The following CSMD1 variants were observed in gnomAD, a reference collection of about 807,000 sequenced individuals.
CSMD1 encodes CUB and Sushi multiple domains 1, also known as CUB and sushi domain-containing protein 1.
Under a neutral mutation model 417.5 loss-of-function variants are expected in CSMD1, and 213 were observed. The observed-to-expected ratio is 0.51, with a 90% CI of 0.46 to 0.57. CSMD1 has a LOEUF of 0.57. Ranked by LOEUF, CSMD1 falls within the 20% of genes least tolerant of loss-of-function variation. The probability of loss-of-function intolerance (pLI) is 0.00; values close to 1 mark genes in which losing one functional copy is unlikely to be tolerated. For missense variants in CSMD1, 6,923 were observed against 4,529.7 expected (o/e 1.53, Z -15.17); for synonymous variants, 2,862 against 1,736.8 (o/e 1.65, Z -16.11).
chr8:3,684,845 T>C (rs898581188), intron 7 of CSMD1, among the ~76,000 whole-genome samples: 5 of 152,154 alleles, frequency 3.3e-5, no homozygotes, highest in African/African-American at 1.2e-4. Context: ...CCATCACGAC[T>C]CTTATTACAT....
intron 52 of CSMD1, among the ~76,000 whole-genome samples, chr8:3,009,558 T>G (rs1376251462): frequency 1.3e-5 from 2 of 152,290 alleles, no homozygotes; most frequent in South Asian, 2.1e-4. Context: ...CAGGAAAAAC[T>G]ATTATTAGCA....
chr8:3,883,595 T>C (rs1293792920), intron 5 of CSMD1, among the ~76,000 whole-genome samples: 2 of 152,118 alleles, frequency 1.3e-5, no homozygotes, highest in Non-Finnish European at 2.9e-5. Flanking sequence ...AAAATTAGTG[T>C]TATTATTTAT....
At chr8:4,186,526 G>C (rs994598797) in intron 3 of CSMD1, among the ~76,000 whole-genome samples, 1 of 152,078 alleles carries the variant, frequency 6.6e-6, no homozygotes, top group Non-Finnish European at 1.5e-5. Context: ...TTGAAAACTG[G>C]TGACTTCACA....
intron 2 of CSMD1, among the ~76,000 whole-genome samples, chr8:4,583,588 G>A (rs138822225): frequency 9.2e-5 from 14 of 152,204 alleles, no homozygotes; most frequent in African/African-American, 2.6e-4. Flanking sequence ...AGGTTTGTGA[G>A]TGCACCAATG....
intron 2 of CSMD1, among the ~76,000 whole-genome samples, chr8:4,512,866 T>C (rs567280798): frequency 6.6e-6 from 1 of 151,592 alleles, no homozygotes; most frequent in South Asian, 2.1e-4. Flanking sequence ...TCTTTCGAAC[T>C]TTAAATACCT....
intron 3 of CSMD1, among the ~76,000 whole-genome samples, chr8:4,340,441 A>G (rs561201708): frequency 6.6e-5 from 10 of 152,230 alleles, no homozygotes; most frequent in African/African-American, 2.4e-4. Flanking sequence ...TAAGCTGCGC[A>G]TTCCTTGAAG....
intron 18 of CSMD1, among the ~76,000 whole-genome samples, chr8:3,380,614 T>C (rs373984951): frequency 6.6e-6 from 1 of 152,094 alleles, no homozygotes; most frequent in Non-Finnish European, 1.5e-5. Context: ...CTGGAAACCA[T>C]CACTGTCGGT....
intron 3 of CSMD1, among the ~76,000 whole-genome samples, chr8:4,303,155 C>G (rs1585192828): frequency 6.6e-6 from 1 of 152,110 alleles, no homozygotes; most frequent in African/African-American, 2.4e-5. Flanking sequence ...AAACTTCCCT[C>G]AAACATATAA....
At chr8:3,621,108 G>T (rs1206152725) in intron 7 of CSMD1, among the ~76,000 whole-genome samples, 1 of 152,150 alleles carries the variant, frequency 6.6e-6, no homozygotes, top group Non-Finnish European at 1.5e-5. Context: ...GACAAGGAGA[G>T]AGCGCTTAGA....
intron 3 of CSMD1, among the ~76,000 whole-genome samples, chr8:4,114,360 G>A (rs1802020628): frequency 6.6e-6 from 1 of 152,190 alleles, no homozygotes. Flanking sequence ...AGTATTTTAA[G>A]CCTACTGTTG....
chr8:2,979,827 A>G (rs1161863842), intron 54 of CSMD1, among the ~76,000 whole-genome samples: 1 of 152,258 alleles, frequency 6.6e-6, no homozygotes, highest in African/African-American at 2.4e-5. Context: ...TGAATCAAAA[A>G]AGCCAAAACA....
intron 1 of CSMD1, among the ~76,000 whole-genome samples, chr8:4,910,471 A>C (rs2117086674): frequency 6.6e-6 from 1 of 152,304 alleles, no homozygotes; most frequent in African/African-American, 2.4e-5. Flanking sequence ...CCTCTGATGC[A>C]GGGTCTTGCC....
intron 25 of CSMD1, among the ~76,000 whole-genome samples, chr8:3,293,878 T>C (rs904023205): frequency 2.6e-5 from 4 of 152,234 alleles, no homozygotes; most frequent in African/African-American, 7.2e-5. Flanking sequence ...TGAGGAGCTG[T>C]GTTCCTTTGG....
chr8:4,536,542 T>C (rs1337082489), intron 2 of CSMD1, among the ~76,000 whole-genome samples: 1 of 152,182 alleles, frequency 6.6e-6, no homozygotes, highest in African/African-American at 2.4e-5. Flanking sequence ...TACAGAGATA[T>C]TGCATTCTCC....
chr8:4,835,320 T>A (rs1324087064), intron 1 of CSMD1, among the ~76,000 whole-genome samples: 2 of 152,078 alleles, frequency 1.3e-5, no homozygotes, highest in African/African-American at 2.4e-5. Flanking sequence ...TGGAGACAGG[T>A]TGACCATGAG....
At chr8:3,745,037 AT>A (rs1353016006) in intron 6 of CSMD1, among the ~76,000 whole-genome samples, 1 of 152,188 alleles carries the variant, frequency 6.6e-6, no homozygotes, top group African/African-American at 2.4e-5. Context: ...AATATTTATC[AT>A]CTGATGCAAA....
chr8:3,229,124 C>G (rs1242182959), intron 27 of CSMD1, among the ~76,000 whole-genome samples: 1 of 152,090 alleles, frequency 6.6e-6, no homozygotes, highest in East Asian at 1.9e-4. Context: ...ATTTCACCAC[C>G]GCTGTGTACA....
intron 21 of CSMD1, among the ~76,000 whole-genome samples, chr8:3,349,548 T>C (rs1297161207): frequency 6.6e-6 from 1 of 151,730 alleles, no homozygotes; most frequent in Non-Finnish European, 1.5e-5. Flanking sequence ...GGGGTGCAAG[T>C]GTTGAGGCGG....
chr8:3,370,633 A>T (rs116102520), intron 18 of CSMD1, among the ~76,000 whole-genome samples: 4 of 152,180 alleles, frequency 2.6e-5, no homozygotes, highest in African/African-American at 9.6e-5. Flanking sequence ...GCTTTCACCA[A>T]TGTGAACTGG....
Sources: gnomAD v4.1 joint callset for allele counts (sites outside exome capture counted in the v4.1 genomes callset) on GRCh38, gnomAD v4.1.1 for gene constraint, MANE v1.5 for transcripts, NCBI Gene and HGNC (gene_info 2026-07-23, HGNC 2026-07-21) for gene names.